Variants in CNKSR2 observed in about 807,000 individuals in gnomAD.
CNKSR2 encodes connector enhancer of kinase suppressor of Ras 2, also known as CNK homolog protein 2.
In CNKSR2, 14 loss-of-function variants were observed where a neutral mutation model predicts 84.4. The ratio of observed to expected loss-of-function variants is 0.17; its 90% confidence interval spans 0.11 to 0.26. The LOEUF (loss-of-function observed/expected upper bound fraction) is 0.26, where lower values mean the gene tolerates loss of function less well. CNKSR2 is among the 10% of genes least tolerant of loss of function. CNKSR2 has a pLI of 1.00. For synonymous variants in CNKSR2, 275 were observed against 277.9 expected, an observed-to-expected ratio of 0.99 and a Z score of 0.10; for missense variants, 485 against 771.2, an observed-to-expected ratio of 0.63 and a Z score of 4.40.
intron 1 of CNKSR2, among the ~76,000 whole-genome samples, chrX:21,395,885 T>A (rs1601732074): frequency 8.9e-6 from 1 of 111,828 alleles, no homozygotes; most frequent in African/African-American, 3.2e-5. Flanking sequence ...AAAGATTTGC[T>A]ATGTAACAAA....
intron 1 of CNKSR2, among the ~76,000 whole-genome samples, chrX:21,384,803 C>T (rs2089946141): frequency 9.0e-6 from 1 of 111,634 alleles, no homozygotes; most frequent in African/African-American, 3.3e-5. Flanking sequence ...GGAGTATTTT[C>T]CAAACATTAT....
rs770160794 is a variant in CNKSR2 at position 21,547,833 on chromosome X, G to A, written c.1304-13638G>A. Among the ~76,000 whole-genome samples the A allele has an allele frequency of 4.5e-5, 5 of 112,154 alleles. No individual in the cohort carries two copies. The East Asian group carries it at 1.4e-3, about 31-fold the overall frequency. ...CAACCTGCTCCTGAATGACTACTGG[G>A]TAAATAATGAAATTAAGGCAGAAAT... On this transcript the variant is annotated intron_variant, in intron 11 of 21. Coordinates refer to ENST00000379510, the MANE Select transcript of CNKSR2 (RefSeq NM_014927.5).
chrX:21,479,600 C>A (rs1306810458), intron 5 of CNKSR2, among the ~76,000 whole-genome samples: 2 of 110,630 alleles, frequency 1.8e-5, no homozygotes, highest in Non-Finnish European at 3.8e-5. Context: ...TAAGAAATAC[C>A]TGCAAACAGG....
intron 17 of CNKSR2, among the ~76,000 whole-genome samples, chrX:21,600,386 TC>T (rs932768769): frequency 1.8e-5 from 2 of 112,487 alleles, no homozygotes; most frequent in African/African-American, 6.5e-5. Flanking sequence ...TACTAGTGAT[TC>T]TGGACATATT....
chrX:21,408,090 A>G (rs2090288266), intron 1 of CNKSR2, among the ~76,000 whole-genome samples: 2 of 112,054 alleles, frequency 1.8e-5, no homozygotes, highest in Non-Finnish European at 3.8e-5. Flanking sequence ...CCAACTATGC[A>G]TTTTAAATAG....
chrX:21,405,845 A>C (rs1027389094), intron 1 of CNKSR2, among the ~76,000 whole-genome samples: 1 of 111,577 alleles, frequency 9.0e-6, no homozygotes, highest in Non-Finnish European at 1.9e-5. Flanking sequence ...ATAATTAAAA[A>C]TAAATATATT....
At chrX:21,462,500 C>A (rs1420747899) in intron 4 of CNKSR2, among the ~76,000 whole-genome samples, 2 of 110,869 alleles carry the variant, frequency 1.8e-5, no homozygotes, top group African/African-American at 6.6e-5. Flanking sequence ...TTGACTTCTT[C>A]CTTCCCAATT....
intron 13 of CNKSR2, among the ~76,000 whole-genome samples, chrX:21,572,325 C>T (rs2092289350): frequency 8.9e-6 from 1 of 112,164 alleles, no homozygotes; most frequent in Admixed American, 9.5e-5. Flanking sequence ...TCACTTGTGA[C>T]TAGATATTGC....
intron 1 of CNKSR2, among the ~76,000 whole-genome samples, chrX:21,386,195 T>C (rs1279759585): frequency 9.0e-6 from 1 of 111,403 alleles, no homozygotes; most frequent in African/African-American, 3.3e-5. Context: ...CAGCAGTGGT[T>C]AGCCTTGCTA....
chrX:21,403,090 C>T (rs1030164366), intron 1 of CNKSR2, among the ~76,000 whole-genome samples: 3 of 110,877 alleles, frequency 2.7e-5, no homozygotes, highest in African/African-American at 9.8e-5. Context: ...AAATTGAAGC[C>T]ACAAAAGTAC....
chrX:21,561,543 A>G lies in CNKSR2; in HGVS notation c.1376A>G (p.Lys459Arg). The G allele has an allele frequency of 8.3e-7, 1 of 1,198,408 alleles. No individual in the cohort carries two copies. Among genetic ancestry groups the G allele is most frequent in the East Asian group, 3.0e-5 (1 of 33,666 alleles). ...VGDYEDPNKM[K>R]RDSRRENSLL... Reference sequence around the variant, plus strand: ...GACTATGAAGATCCAAATAAGATGAAGAGAGATAGTAGAAGAGGTAAGTGT... The same window carrying G: ...GACTATGAAGATCCAAATAAGATGAGGAGAGATAGTAGAAGAGGTAAGTGT... Residue 459 changes from lysine to arginine, a missense_variant, in exon 12 of 22, where the codon AAG (lysine) becomes AGG (arginine). This residue lies in a region of CNKSR2 where 132 missense variants were observed against 166.7 expected (regional missense o/e 0.79). Transcript: ENST00000379510.
intron 12 of CNKSR2, among the ~76,000 whole-genome samples, chrX:21,562,028 G>GA (rs369034070): frequency 0.021 from 2,038 of 98,700 alleles, 26 homozygotes; most frequent in African/African-American, 0.066. Flanking sequence ...TGTAGAAATA[G>GA]AAAAAAAAAA....
rs1183256668 is a variant in CNKSR2 at position 21,543,809 on chromosome X, T to TTTTTC, written c.1303+11757_1303+11761dup. Among the ~76,000 whole-genome samples, 4 of 112,028 alleles carry TTTTTC rather than the reference T, an allele frequency of 3.6e-5. No homozygotes were observed. In the South Asian group the frequency reaches 1.5e-3, roughly 42 times the overall value. ...CGTCAAATACTTAGAAGAGTTCTTT[T>TTTTTC]TTTTCTTTTCTTTTCTTTTTTTCTT... On this transcript the variant is annotated intron_variant, in intron 11 of 21. Coordinates refer to ENST00000379510, the MANE Select transcript of CNKSR2 (RefSeq NM_014927.5).
chrX:21,415,833 TACACACACACACACACACAC>T (rs559013925), intron 1 of CNKSR2, among the ~76,000 whole-genome samples: 3 of 88,195 alleles, frequency 3.4e-5, no homozygotes, highest in Non-Finnish European at 6.5e-5. Flanking sequence ...TATACATATA[TACACACACACACACACACAC>T]ACACACACAC....
chrX:21,579,197 G>A (rs974951729), intron 13 of CNKSR2, among the ~76,000 whole-genome samples: 2 of 111,989 alleles, frequency 1.8e-5, no homozygotes, highest in Non-Finnish European at 3.8e-5. Flanking sequence ...ACAAATTTAC[G>A]TAGTGGCCAA....
At chrX:21,613,485 G>A (rs1221434563) in intron 20 of CNKSR2, among the ~76,000 whole-genome samples, 1 of 111,837 alleles carries the variant, frequency 8.9e-6, no homozygotes, top group Non-Finnish European at 1.9e-5. Context: ...TAATTTACAC[G>A]TATATGTAGC....
chrX:21,424,266 TCC>T (rs2090536935), intron 1 of CNKSR2: 1 of 111,942 alleles, frequency 8.9e-6, no homozygotes, highest in African/African-American at 3.2e-5. Flanking sequence ...CACTGCTCAA[TCC>T]CGTAGTCTGT....
At chrX:21,416,267 A>G (rs1416494549) in intron 1 of CNKSR2, among the ~76,000 whole-genome samples, 2 of 112,130 alleles carry the variant, frequency 1.8e-5, no homozygotes, top group Non-Finnish European at 3.8e-5. Flanking sequence ...TATGTTGAAC[A>G]AGTCTTGCAT....
In CNKSR2 at chrX:21,379,003, T is replaced by C. The variant is rs747056993; in HGVS notation, c.64+4042T>C. Among the ~76,000 whole-genome samples the C allele has an allele frequency of 7.1e-5, 8 of 112,640 alleles. No homozygotes were observed. The South Asian group carries it at 2.9e-3, about 41-fold the overall frequency. Reference sequence around the variant, plus strand: ...GAGGCATTCTCTGACTTCTAATTTCTGTCCTGATGACTCAGCCATCTTGAG... The same window carrying C: ...GAGGCATTCTCTGACTTCTAATTTCCGTCCTGATGACTCAGCCATCTTGAG... On this transcript the variant is annotated intron_variant, in intron 1 of 21. Transcript: ENST00000379510.
Sources: allele counts gnomAD v4.1 joint callset (sites outside exome capture counted in the v4.1 genomes callset), GRCh38; gene constraint gnomAD v4.1.1; regional missense constraint gnomAD v4.1.1; transcripts MANE v1.5; gene names NCBI Gene and HGNC (gene_info 2026-07-23, HGNC 2026-07-21).